The following CSMD1 variants were observed in gnomAD, a reference collection of about 807,000 sequenced individuals.
CSMD1 encodes the protein CUB and sushi domain-containing protein 1.
CSMD1 carries 213 observed loss-of-function variants against 417.5 expected under a neutral mutation model. The ratio of observed to expected loss-of-function variants is 0.51; its 90% confidence interval spans 0.46 to 0.57. The LOEUF (loss-of-function observed/expected upper bound fraction) is 0.57. Among genes scored for constraint, CSMD1 ranks in the 20% least tolerant of loss-of-function variants. The probability of loss-of-function intolerance (pLI) is 0.00; values close to 1 mark genes in which losing one functional copy is unlikely to be tolerated. For missense variants in CSMD1, 6,923 were observed against 4,529.7 expected, an observed-to-expected ratio of 1.53 and a Z score of -15.17; for synonymous variants, 2,862 against 1,736.8, an observed-to-expected ratio of 1.65 and a Z score of -16.11.
chr8:4,964,158 A>G lies in CSMD1; in HGVS notation c.85+30174T>C, dbSNP rs1050849335. On this transcript the variant is annotated intron_variant, in intron 1 of 69. Coordinates refer to ENST00000635120, the MANE Select transcript of CSMD1 (RefSeq NM_033225.6). Reference sequence around the variant, plus strand: ...TCACATTCTTTCCAAAGACTTCAGGACCAAGGAGGAGATAAGAGAAAAGGG... The same window carrying G: ...TCACATTCTTTCCAAAGACTTCAGGGCCAAGGAGGAGATAAGAGAAAAGGG... Among the ~76,000 whole-genome samples the G allele has an allele frequency of 2.6e-5, 4 of 152,044 alleles. No homozygotes were observed. In the East Asian group the frequency reaches 7.7e-4, roughly 29 times the overall value.
At chr8:3,620,651 T>A (rs184449745) in intron 7 of CSMD1, among the ~76,000 whole-genome samples, 1 of 152,116 alleles carries the variant, frequency 6.6e-6, no homozygotes, top group East Asian at 1.9e-4. Context: ...AAAGAAAGTA[T>A]CTATAGAATA....
chr8:3,685,454 T>C (rs1799897995), intron 7 of CSMD1, among the ~76,000 whole-genome samples: 1 of 152,160 alleles, frequency 6.6e-6, no homozygotes, highest in Non-Finnish European at 1.5e-5. Context: ...AAGAAGGCTT[T>C]AATCGGATGC....
At chr8:3,509,285 A>AT (rs1796963849) in intron 10 of CSMD1, among the ~76,000 whole-genome samples, 1 of 152,216 alleles carries the variant, frequency 6.6e-6, no homozygotes, top group Non-Finnish European at 1.5e-5. Flanking sequence ...ATGACTAAAA[A>AT]ATATATTTAA....
At chr8:3,483,146 T>C (rs982998060) in intron 11 of CSMD1, among the ~76,000 whole-genome samples, 5 of 151,694 alleles carry the variant, frequency 3.3e-5, no homozygotes, top group Non-Finnish European at 7.4e-5. Context: ...GAAATAGAAA[T>C]AGATAAACAG....
chr8:3,129,861 C>T (rs916233726), intron 41 of CSMD1, among the ~76,000 whole-genome samples: 1 of 152,018 alleles, frequency 6.6e-6, no homozygotes, highest in East Asian at 1.9e-4. Flanking sequence ...TGTTGACACA[C>T]ACCTGTAATC....
At chr8:3,669,249 C>A (rs1312676893) in intron 7 of CSMD1, among the ~76,000 whole-genome samples, 2 of 152,202 alleles carry the variant, frequency 1.3e-5, no homozygotes, top group African/African-American at 2.4e-5. Context: ...CTGCATCAAT[C>A]TGAGTGAAAA....
At chr8:3,555,808 G>A (rs1250898379) in intron 10 of CSMD1, among the ~76,000 whole-genome samples, 1 of 152,036 alleles carries the variant, frequency 6.6e-6, no homozygotes, top group African/African-American at 2.4e-5. Context: ...CAGTTGTATG[G>A]TTATAGACAA....
At chr8:4,451,940 T>G (rs995495235) in intron 2 of CSMD1, among the ~76,000 whole-genome samples, 1 of 148,290 alleles carries the variant, frequency 6.7e-6, no homozygotes, top group Non-Finnish European at 1.5e-5. Context: ...TTAATGTATA[T>G]TATTATATAT....
intron 12 of CSMD1, among the ~76,000 whole-genome samples, chr8:3,413,429 GC>G (rs1265094103): frequency 6.6e-6 from 1 of 152,130 alleles, no homozygotes. Context: ...CTGATGCATG[GC>G]TACGGCTGGC....
intron 49 of CSMD1, among the ~76,000 whole-genome samples, chr8:3,081,275 A>C (rs1041878599): frequency 2.0e-5 from 3 of 152,198 alleles, no homozygotes; most frequent in Admixed American, 1.3e-4. Flanking sequence ...AGAAGAACGA[A>C]TGTCCTTTAT....
chr8:4,703,171 G>C (rs77516819), intron 1 of CSMD1, among the ~76,000 whole-genome samples: 2,018 of 152,234 alleles, frequency 0.013, 51 homozygotes, highest in African/African-American at 0.046. Context: ...CATTTAAGGA[G>C]ATTCAAATTT....
intron 5 of CSMD1, among the ~76,000 whole-genome samples, chr8:3,924,263 T>C (rs1176437737): frequency 1.3e-5 from 2 of 152,186 alleles, no homozygotes; most frequent in Non-Finnish European, 2.9e-5. Flanking sequence ...AGGGATACCT[T>C]ATATGTTGTA....
intron 37 of CSMD1, among the ~76,000 whole-genome samples, chr8:3,169,639 A>G (rs1820456729): frequency 6.6e-6 from 1 of 152,220 alleles, no homozygotes; most frequent in African/African-American, 2.4e-5. Context: ...GCTTAACAAT[A>G]GTTAACATGA....
intron 1 of CSMD1, among the ~76,000 whole-genome samples, chr8:4,689,760 C>A (rs148371926): frequency 7.5e-4 from 114 of 152,226 alleles, no homozygotes; most frequent in African/African-American, 2.7e-3. Flanking sequence ...ATGACCTCTT[C>A]TATTAAAATG....
At chr8:4,091,109 G>A (rs557771812) in intron 3 of CSMD1, among the ~76,000 whole-genome samples, 13 of 152,008 alleles carry the variant, frequency 8.6e-5, no homozygotes, top group Admixed American at 8.5e-4. Context: ...AGTAGAGATG[G>A]GGTTTCACCA....
chr8:4,729,584 C>T (rs1281119494), intron 1 of CSMD1, among the ~76,000 whole-genome samples: 1 of 151,980 alleles, frequency 6.6e-6, no homozygotes, highest in Admixed American at 6.6e-5. Flanking sequence ...GCTAGAGAAA[C>T]ATATAAAAAA....
At chr8:4,291,498 G>T (rs377508089) in intron 3 of CSMD1, among the ~76,000 whole-genome samples, 1 of 152,070 alleles carries the variant, frequency 6.6e-6, no homozygotes, top group Non-Finnish European at 1.5e-5. Flanking sequence ...CAGTGATTCT[G>T]ACATTTCACT....
chr8:3,160,075 T>C (rs188551296), intron 38 of CSMD1, among the ~76,000 whole-genome samples: 52 of 152,316 alleles, frequency 3.4e-4, no homozygotes, highest in Admixed American at 2.8e-3. Flanking sequence ...TCAGTACAGA[T>C]TGAGGTGTCC....
intron 1 of CSMD1, among the ~76,000 whole-genome samples, chr8:4,678,139 T>C (rs1805810559): frequency 1.3e-5 from 2 of 152,128 alleles, no homozygotes; most frequent in South Asian, 4.1e-4. Flanking sequence ...TTTCTTTTTT[T>C]TTTGGCCACT....
Sources: gnomAD v4.1 joint callset for allele counts (sites outside exome capture counted in the v4.1 genomes callset) on GRCh38, gnomAD v4.1.1 for gene constraint, MANE v1.5 for transcripts, NCBI Gene and HGNC (gene_info 2026-07-23, HGNC 2026-07-21) for gene names.